Variants in SLC9C1 observed in about 807,000 individuals in gnomAD.
SLC9C1 encodes the protein sodium/hydrogen exchanger 10.
A neutral mutation model predicts 140.9 loss-of-function variants in SLC9C1; 97 were observed. That is an observed-to-expected ratio of 0.69 (90% CI 0.58 to 0.82). SLC9C1 has a LOEUF of 0.82. Among genes scored for constraint, SLC9C1 ranks in the 40% least tolerant of loss-of-function variants. SLC9C1 has a pLI of 0.00. For missense variants in SLC9C1, 1,340 were observed against 1,389.3 expected (o/e 0.96, Z 0.56); for synonymous variants, 440 against 442.6 (o/e 0.99, Z 0.07).
At chr3:112,240,853 A>G (rs1268426315) in intron 11 of SLC9C1, among the ~76,000 whole-genome samples, 1 of 152,224 alleles carries the variant, frequency 6.6e-6, no homozygotes, top group Non-Finnish European at 1.5e-5. Flanking sequence ...TCATTACGTT[A>G]AGTGAAATAA....
At chr3:112,273,809 A>T (rs910759339) in intron 6 of SLC9C1, among the ~76,000 whole-genome samples, 2 of 152,126 alleles carry the variant, frequency 1.3e-5, no homozygotes, top group African/African-American at 4.8e-5. Context: ...GAAGAATCCC[A>T]CTGCAGCAGA....
intron 15 of SLC9C1, among the ~76,000 whole-genome samples, chr3:112,208,921 G>A (rs577204226): frequency 1.3e-5 from 2 of 152,102 alleles, no homozygotes; most frequent in Non-Finnish European, 2.9e-5. Context: ...AGGATGCATG[G>A]TGGTGGAATA....
In SLC9C1 at chr3:112,208,344, A is replaced by G. The variant is rs1371690209; in HGVS notation, c.1820T>C (p.Ile607Thr). The change falls in exon 16 of 29, where the codon ATA becomes ACA. Residue 607 changes from isoleucine to threonine, a missense_variant. Coordinates refer to ENST00000305815, the MANE Select transcript of SLC9C1 (RefSeq NM_183061.3). The part of the protein sequence containing the change: ...KYFFFRICHT[I>T]VFTEEFEHVG... ...ATGTTCAAATTCCTCAGTAAATACT[A>G]TTGTATGGCATATACGAAAAAAGAA... The G allele has an allele frequency of 5.7e-6, 9 of 1,576,518 alleles. No individual in the cohort carries two copies. The Admixed American group carries it at 1.4e-4, about 24-fold the overall frequency.
rs56930611 is a variant in SLC9C1, at chr3:112,190,928, AACACAC to A, written c.2523+8387_2523+8392del. Among the ~76,000 whole-genome samples, 306 of 138,782 alleles carry A rather than the reference AACACAC, an allele frequency of 2.2e-3. 2 individuals are homozygous for A. Among genetic ancestry groups the A allele is most frequent in the East Asian group, 0.012 (61 of 4,964 alleles). The allele number at this position is 138,782 out of a possible 152,430, so 91.0% of individuals were successfully genotyped here. ...TATGCAGTAATTTTTACTTTTTTTA[AACACAC>A]ACACACACACACACACACACACACA... is the stretch of plus-strand genomic sequence containing the variant. On this transcript the variant is annotated intron_variant, in intron 20 of 28. Transcript: ENST00000305815.
At position 112,287,710 on chromosome 3, in the gene SLC9C1, T is replaced by G. The variant is rs1386223554; in HGVS notation, c.-87-832A>C. On this transcript the variant is annotated intron_variant, in intron 1 of 28. Coordinates refer to ENST00000305815, the MANE Select transcript of SLC9C1 (RefSeq NM_183061.3). ...TCTCATAATGGTAGCTTGACATTTTTTAGTGCCTTCTATCAGCATCTCATA... is the reference window on the plus strand; with the variant it reads ...TCTCATAATGGTAGCTTGACATTTTGTAGTGCCTTCTATCAGCATCTCATA... 2.6e-5 allele frequency among the ~76,000 whole-genome samples: 4 copies of G among 152,204 alleles called. No homozygotes were observed. In the East Asian group the frequency reaches 7.7e-4, roughly 29 times the overall value.
intron 12 of SLC9C1, among the ~76,000 whole-genome samples, chr3:112,233,059 A>ACATAT (rs2078872468): frequency 1.2e-5 from 1 of 83,574 alleles, no homozygotes; most frequent in Non-Finnish European, 2.6e-5. Flanking sequence ...ACATATATAT[A>ACATAT]TATATATATT....
intron 28 of SLC9C1, chr3:112,151,613 T>C (rs947627573): frequency 1.9e-6 from 1 of 524,168 alleles, no homozygotes; most frequent in African/African-American, 1.9e-5. Flanking sequence ...TGAGATTAAG[T>C]GGCAGTATAT....
chr3:112,219,141 A>G (rs2078471223), intron 14 of SLC9C1, among the ~76,000 whole-genome samples: 1 of 152,168 alleles, frequency 6.6e-6, no homozygotes, highest in African/African-American at 2.4e-5. Flanking sequence ...TGCTCAAAGT[A>G]TTATTTTTTA....
chr3:112,209,855 T>G (rs2078154303), intron 15 of SLC9C1, among the ~76,000 whole-genome samples: 1 of 152,190 alleles, frequency 6.6e-6, no homozygotes, highest in South Asian at 2.1e-4. Flanking sequence ...AGGTAAGACA[T>G]TCCATGTTCA....
At chr3:112,204,842 T>A (rs1243798664) in intron 16 of SLC9C1, among the ~76,000 whole-genome samples, 15 of 152,110 alleles carry the variant, frequency 9.9e-5, no homozygotes, top group Admixed American at 9.8e-4. Context: ...AATTAGTTTA[T>A]GTTTGTTGTG....
chr3:112,265,538 C>A (rs149804425), intron 8 of SLC9C1, among the ~76,000 whole-genome samples: 82 of 152,208 alleles, frequency 5.4e-4, no homozygotes, highest in Non-Finnish European at 7.7e-4. Flanking sequence ...ACTCTAAAAA[C>A]CATGGTTTAC....
intron 3 of SLC9C1, among the ~76,000 whole-genome samples, chr3:112,279,694 T>A (rs544211284): frequency 6.6e-6 from 1 of 152,218 alleles, no homozygotes; most frequent in Non-Finnish European, 1.5e-5. Context: ...AGCTTACATT[T>A]CTTCTCCTGT....
rs538354065 is a variant in SLC9C1, at chr3:112,235,623, G to C, written c.1447-4137C>G. Among the ~76,000 whole-genome samples the C allele has an allele frequency of 1.4e-4, 21 of 152,052 alleles. No homozygotes were observed. The South Asian group carries it at 4.4e-3, about 32-fold the overall frequency. On this transcript the variant is annotated intron_variant, in intron 12 of 28. Coordinates refer to ENST00000305815, the MANE Select transcript of SLC9C1 (RefSeq NM_183061.3). ...ATTGGCTGTGGGTTTGTCATAGATA[G>C]CTCTTATTATTTTGAAATACGTCCC...
rs2078628480 is a variant in SLC9C1 at position 112,224,522 on chromosome 3, T to G, written c.1573-3297A>C. The stretch of plus-strand genomic sequence containing the variant: ...GAAAAGGAATTTACAATAATGATAT[T>G]AAGGAAACTCAGCAGACACAATAAA... On this transcript the variant is annotated intron_variant, in intron 13 of 28. Coordinates refer to ENST00000305815, the MANE Select transcript of SLC9C1 (RefSeq NM_183061.3). Among the ~76,000 whole-genome samples the G allele has an allele frequency of 2.0e-5, 3 of 151,932 alleles. No individual in the cohort carries two copies. The South Asian group carries it at 6.2e-4, about 32-fold the overall frequency.
At chr3:112,195,099 T>C (rs998449379) in intron 20 of SLC9C1, among the ~76,000 whole-genome samples, 1 of 152,180 alleles carries the variant, frequency 6.6e-6, no homozygotes. Flanking sequence ...ATAGTGGTTT[T>C]TGATGCACAC....
intron 13 of SLC9C1, among the ~76,000 whole-genome samples, chr3:112,226,888 A>G (rs1236812528): frequency 6.6e-6 from 1 of 152,198 alleles, no homozygotes; most frequent in Non-Finnish European, 1.5e-5. Flanking sequence ...AAAAGATCAG[A>G]AAAACAAAAT....
intron 20 of SLC9C1, among the ~76,000 whole-genome samples, chr3:112,194,289 G>A (rs1247763320): frequency 6.6e-6 from 1 of 152,142 alleles, no homozygotes; most frequent in African/African-American, 2.4e-5. Flanking sequence ...GAAATGGGAA[G>A]TTATTTCTGA....
intron 10 of SLC9C1, among the ~76,000 whole-genome samples, chr3:112,244,833 T>C (rs2079234821): frequency 6.6e-6 from 1 of 152,160 alleles, no homozygotes; most frequent in African/African-American, 2.4e-5. Flanking sequence ...AGTTGCACAT[T>C]AGAATCATAA....
At chr3:112,237,712 A>G (rs1226086040) in intron 12 of SLC9C1, among the ~76,000 whole-genome samples, 2 of 152,116 alleles carry the variant, frequency 1.3e-5, no homozygotes, top group East Asian at 1.9e-4. Flanking sequence ...TCCTTTGCTT[A>G]TGAAGCTTAG....
Sources: gnomAD v4.1 joint callset for allele counts (sites outside exome capture counted in the v4.1 genomes callset) on GRCh38, gnomAD v4.1.1 for gene constraint, MANE v1.5 for transcripts, NCBI Gene and HGNC (gene_info 2026-07-23, HGNC 2026-07-21) for gene names.